Variants in PIP5K1B observed in about 807,000 individuals in gnomAD.
PIP5K1B encodes the protein phosphatidylinositol-4-phosphate 5-kinase type 1 beta.
PIP5K1B carries 42 observed loss-of-function variants against 67.0 expected under a neutral mutation model. The observed-to-expected ratio is 0.63, with a 90% CI of 0.49 to 0.81. The LOEUF is 0.81. Among genes scored for constraint, PIP5K1B ranks in the 30% least tolerant of loss-of-function variants. PIP5K1B has a pLI of 0.00. For missense variants in PIP5K1B, 459 were observed against 646.3 expected (o/e 0.71, Z 3.14); for synonymous variants, 214 against 231.4 (o/e 0.92, Z 0.68).
At chr9:68,831,120 C>T (rs1834291492) in intron 4 of PIP5K1B, among the ~76,000 whole-genome samples, 2 of 152,156 alleles carry the variant, frequency 1.3e-5, no homozygotes, top group African/African-American at 2.4e-5. Flanking sequence ...ACTCAATAGT[C>T]GTAGGGAACA....
intron 1 of PIP5K1B, among the ~76,000 whole-genome samples, chr9:68,716,573 C>CA (rs1564084756): frequency 6.6e-6 from 1 of 152,032 alleles, no homozygotes; most frequent in African/African-American, 2.4e-5. Context: ...ATTAGAAAGT[C>CA]AAAAAATAAC....
intron 2 of PIP5K1B, chr9:68,780,002 G>T (rs1483931455): frequency 2.2e-6 from 2 of 927,980 alleles, no homozygotes; most frequent in African/African-American, 1.7e-5. Flanking sequence ...GGCGCCGCGA[G>T]TACGGACATC....
intron 2 of PIP5K1B, among the ~76,000 whole-genome samples, chr9:68,809,793 C>G (rs886414440): frequency 2.0e-5 from 3 of 152,180 alleles, no homozygotes; most frequent in African/African-American, 7.2e-5. Context: ...ATGAGCCCCA[C>G]AGGCTGACTT....
At chr9:68,791,277 G>A (rs990432678) in intron 2 of PIP5K1B, among the ~76,000 whole-genome samples, 2 of 152,230 alleles carry the variant, frequency 1.3e-5, no homozygotes, top group African/African-American at 4.8e-5. Flanking sequence ...ATGCCAAGAG[G>A]ATTATCAGAA....
intron 2 of PIP5K1B, among the ~76,000 whole-genome samples, chr9:68,803,802 T>C (rs1215199328): frequency 2.0e-5 from 3 of 152,116 alleles, no homozygotes; most frequent in Non-Finnish European, 4.4e-5. Context: ...GTATTTGGGG[T>C]AGGCAAATGA....
chr9:69,002,168 A>C (rs1400643215), intron 15 of PIP5K1B, among the ~76,000 whole-genome samples: 1 of 152,144 alleles, frequency 6.6e-6, no homozygotes. Context: ...AGTCTACCAG[A>C]TCTGGAACAA....
intron 4 of PIP5K1B, chr9:68,824,357 AATTT>A (rs1833880009): frequency 2.2e-6 from 1 of 460,930 alleles, no homozygotes; most frequent in African/African-American, 2.0e-5. Flanking sequence ...CCTGCCCAAG[AATTT>A]ATTTAGTCAA....
intron 2 of PIP5K1B, among the ~76,000 whole-genome samples, chr9:68,817,047 C>A (rs1833482123): frequency 6.6e-6 from 1 of 152,144 alleles, no homozygotes; most frequent in Non-Finnish European, 1.5e-5. Context: ...TAAGAGGTCT[C>A]ACAAATTGTT....
chr9:68,746,387 C>T (rs1030837163), intron 2 of PIP5K1B, among the ~76,000 whole-genome samples: 1 of 152,120 alleles, frequency 6.6e-6, no homozygotes, highest in Non-Finnish European at 1.5e-5. Context: ...ATGGCATGCA[C>T]AGAGTTTTGG....
At chr9:68,997,443 C>T (rs974213901) in intron 15 of PIP5K1B, among the ~76,000 whole-genome samples, 1 of 152,174 alleles carries the variant, frequency 6.6e-6, no homozygotes, top group Non-Finnish European at 1.5e-5. Context: ...CGATCCCCTA[C>T]CAACCAAAGA....
chr9:68,950,290 T>C (rs1054935600), intron 14 of PIP5K1B, among the ~76,000 whole-genome samples: 1 of 152,218 alleles, frequency 6.6e-6, no homozygotes, highest in African/African-American at 2.4e-5. Context: ...AGTTTGGTCC[T>C]TCTGAGCCTT....
At chr9:68,931,384 C>T (rs1826990786) in intron 12 of PIP5K1B, among the ~76,000 whole-genome samples, 1 of 152,184 alleles carries the variant, frequency 6.6e-6, no homozygotes, top group African/African-American at 2.4e-5. Flanking sequence ...ACACTAAGCA[C>T]TGATGATATA....
chr9:68,915,192 A>G lies in PIP5K1B; in HGVS notation c.772-2356A>G, dbSNP rs147199303. ...TGACCTGCCTAAGGTCACAGAGTCC[A>G]TGCTCTTCATCCCTCATCCCCCATG... On this transcript the variant is annotated intron_variant, in intron 8 of 15. Transcript: ENST00000265382. Among the ~76,000 whole-genome samples, 995 of 152,296 alleles carry G rather than the reference A, an allele frequency of 6.5e-3. 8 individuals are homozygous for G. Among genetic ancestry groups the G allele is most frequent in the African/African-American group, 0.023 (937 of 41,560 alleles).
At chr9:68,838,152 A>G (rs1821728998) in intron 4 of PIP5K1B, among the ~76,000 whole-genome samples, 1 of 149,378 alleles carries the variant, frequency 6.7e-6, no homozygotes, top group African/African-American at 2.5e-5. Flanking sequence ...GATTTATGTG[A>G]GTTTATTTTG....
intron 8 of PIP5K1B, among the ~76,000 whole-genome samples, chr9:68,911,628 T>C (rs6560422): frequency 0.96 from 146,739 of 152,188 alleles, 70,936 homozygotes; most frequent in Non-Finnish European, 1. Flanking sequence ...TGGTGGCTCA[T>C]GCCTGTAATC....
intron 14 of PIP5K1B, among the ~76,000 whole-genome samples, chr9:68,950,956 G>A (rs1828036268): frequency 6.6e-6 from 1 of 152,148 alleles, no homozygotes; most frequent in South Asian, 2.1e-4. Flanking sequence ...CACCAAGCTG[G>A]CCCAGCCTCC....
At chr9:68,926,033 G>A (rs548363902) in intron 12 of PIP5K1B, among the ~76,000 whole-genome samples, 32 of 151,842 alleles carry the variant, frequency 2.1e-4, no homozygotes, top group African/African-American at 7.0e-4. Context: ...AGCCTCAAGC[G>A]ACCCACCCAC....
chr9:68,840,495 A>G (rs1235345058), intron 4 of PIP5K1B, among the ~76,000 whole-genome samples: 1 of 152,256 alleles, frequency 6.6e-6, no homozygotes, highest in Non-Finnish European at 1.5e-5. Flanking sequence ...ATAGTTCTGT[A>G]GAACAGACAT....
intron 14 of PIP5K1B, among the ~76,000 whole-genome samples, chr9:68,956,298 C>G (rs1188200708): frequency 6.6e-6 from 1 of 152,052 alleles, no homozygotes; most frequent in Non-Finnish European, 1.5e-5. Flanking sequence ...TGGGAAAACC[C>G]CATCTCTAGA....
Sources: allele counts gnomAD v4.1 joint callset (sites outside exome capture counted in the v4.1 genomes callset), GRCh38; gene constraint gnomAD v4.1.1; transcripts MANE v1.5; gene names NCBI Gene and HGNC (gene_info 2026-07-23, HGNC 2026-07-21).